The following IGSF3 variants were observed in gnomAD, a reference collection of about 807,000 sequenced individuals.
IGSF3 encodes the protein glu-Trp-Ile EWI motif-containing protein 3.
IGSF3 carries 23 observed loss-of-function variants against 114.4 expected under a neutral mutation model. The ratio of observed to expected loss-of-function variants is 0.20; its 90% confidence interval spans 0.14 to 0.28. The LOEUF is 0.28. Among genes scored for constraint, IGSF3 ranks in the 10% least tolerant of loss-of-function variants. IGSF3 has a pLI of 1.00. For synonymous variants in IGSF3, 571 were observed against 645.2 expected, an observed-to-expected ratio of 0.88 and a Z score of 1.74; for missense variants, 1,172 against 1,591.5, an observed-to-expected ratio of 0.74 and a Z score of 4.48.
chr1:116,660,281 C>T (rs1369910846), intron 2 of IGSF3, among the ~76,000 whole-genome samples: 2 of 152,120 alleles, frequency 1.3e-5, no homozygotes, highest in Non-Finnish European at 2.9e-5. Context: ...TGTCCTCTTC[C>T]TGAGTGTCTT....
intron 2 of IGSF3, among the ~76,000 whole-genome samples, chr1:116,656,724 G>T (rs912068903): frequency 8.5e-5 from 13 of 152,252 alleles, no homozygotes; most frequent in African/African-American, 3.1e-4. Flanking sequence ...AGGAGTTGGA[G>T]AGCAGCCTGA....
At position 116,576,309 on chromosome 1, in the gene IGSF3, CTTTCT is replaced by C. The variant is rs760947369; in HGVS notation, c.*998_*1002del. 13 of 152,824 alleles carry C rather than the reference CTTTCT, an allele frequency of 8.5e-5. 1 individual carries two copies. Among genetic ancestry groups the C allele is most frequent in the African/African-American group, 2.9e-4 (12 of 41,574 alleles). The allele number at this position is 152,824 out of a possible 1,614,324, so 9.5% of individuals were successfully genotyped here. On this transcript the variant is annotated 3_prime_UTR_variant, in exon 11 of 11. Coordinates refer to ENST00000369486, the MANE Select transcript of IGSF3 (RefSeq NM_001007237.3). This position sits in a 1 kb window ranked among gnomAD's most constrained non-coding sequence, Gnocchi z 4.6. Reference sequence around the variant, plus strand: ...GGCCCACTTCCAAGTTCACTGGACACTTTCTTTTAAGAGTTTGGCAAAGCACCTGA... The same window carrying C: ...GGCCCACTTCCAAGTTCACTGGACACTTTAAGAGTTTGGCAAAGCACCTGA...
chr1:116,578,516 C>G (rs1659453052), intron 10 of IGSF3, among the ~76,000 whole-genome samples: 1 of 152,118 alleles, frequency 6.6e-6, no homozygotes, highest in Non-Finnish European at 1.5e-5. Flanking sequence ...CTGCAAAACT[C>G]CAATTTCATA....
chr1:116,591,625 T>G (rs796163393), intron 7 of IGSF3, among the ~76,000 whole-genome samples: 2 of 152,216 alleles, frequency 1.3e-5, no homozygotes, highest in Non-Finnish European at 2.9e-5. Flanking sequence ...TTAAATTTGG[T>G]GCACGTCTGA....
chr1:116,580,583 T>C (rs1249268965), intron 9 of IGSF3, among the ~76,000 whole-genome samples: 2 of 152,218 alleles, frequency 1.3e-5, no homozygotes, highest in African/African-American at 4.8e-5. Context: ...GGAAAGACTA[T>C]TCAAGGACAC....
chr1:116,652,776 T>C (rs1234008035), intron 2 of IGSF3, among the ~76,000 whole-genome samples: 1 of 152,218 alleles, frequency 6.6e-6, no homozygotes, highest in Non-Finnish European at 1.5e-5. Context: ...CCAGCAGTCC[T>C]CTCTTATCTA....
chr1:116,597,280 G>A (rs569115310), intron 7 of IGSF3, among the ~76,000 whole-genome samples: 1 of 152,190 alleles, frequency 6.6e-6, no homozygotes, highest in Non-Finnish European at 1.5e-5. Flanking sequence ...AGTCTCCAGC[G>A]CACAGTCAGC....
rs1648746638 is a variant in IGSF3 at position 116,654,056 on chromosome 1, G to C, written c.43+12228C>G. Reference sequence around the variant, plus strand: ...GTCATAAAGGGTTACCTAGTTTGGGGTAAGCCCGGAATGAATATCTGCACC... The same window carrying C: ...GTCATAAAGGGTTACCTAGTTTGGGCTAAGCCCGGAATGAATATCTGCACC... On this transcript the variant is annotated intron_variant, in intron 2 of 10. Transcript: ENST00000369486. The surrounding 1 kb of genome is among the most constrained non-coding windows in gnomAD (Gnocchi z 4.4). 6.6e-6 allele frequency among the ~76,000 whole-genome samples: 1 copy of C among 152,232 alleles called. No individual in the cohort carries two copies. Among genetic ancestry groups the C allele is most frequent in the African/African-American group, 2.4e-5 (1 of 41,452 alleles).
rs1246516657 is a variant in IGSF3, at chr1:116,636,741, C to T, written c.44-20284G>A. Among the ~76,000 whole-genome samples the T allele has an allele frequency of 6.6e-6, 1 of 152,090 alleles. No individual in the cohort carries two copies. Among genetic ancestry groups the T allele is most frequent in the African/African-American group, 2.4e-5 (1 of 41,392 alleles). ...GCACAGGGCCCTCCTTCTGTCCCAC[C>T]CAGCTTTCTCACCACCCACCCCACC... On this transcript the variant is annotated intron_variant, in intron 2 of 10. Coordinates refer to ENST00000369486, the MANE Select transcript of IGSF3 (RefSeq NM_001007237.3). This position sits in a 1 kb window ranked among gnomAD's most constrained non-coding sequence, Gnocchi z 4.5.
chr1:116,632,462 T>A lies in IGSF3; in HGVS notation c.44-16005A>T, dbSNP rs1276167054. 5.9e-5 allele frequency among the ~76,000 whole-genome samples: 9 copies of A among 152,160 alleles called. No homozygotes were observed. The highest frequency in any genetic ancestry group is 4.4e-5 in the Non-Finnish European group (3 of 68,038). ...TGAGAAGCCACTTTCAACATAACTA[T>A]GGAACAGCTAACCACACAACGCAGC... On this transcript the variant is annotated intron_variant, in intron 2 of 10. Coordinates refer to ENST00000369486, the MANE Select transcript of IGSF3 (RefSeq NM_001007237.3). The surrounding 1 kb of genome is among the most constrained non-coding windows in gnomAD (Gnocchi z 5.1).
At chr1:116,652,985 T>C (rs114906783) in intron 2 of IGSF3, among the ~76,000 whole-genome samples, 14,312 of 152,180 alleles carry the variant, frequency 0.094, 1,722 homozygotes, top group African/African-American at 0.29. Flanking sequence ...AACAGCAGGC[T>C]CTGTCCCCAT....
At chr1:116,602,079 C>A (rs1206344343) in intron 6 of IGSF3, among the ~76,000 whole-genome samples, 1 of 152,126 alleles carries the variant, frequency 6.6e-6, no homozygotes, top group Non-Finnish European at 1.5e-5. Context: ...AAAAGACAAC[C>A]TTAATTAGTC....
intron 2 of IGSF3, among the ~76,000 whole-genome samples, chr1:116,630,115 T>G (rs1647490745): frequency 6.6e-6 from 1 of 152,196 alleles, no homozygotes. Flanking sequence ...CTGGAGGGAA[T>G]GGGATTTGGA....
At chr1:116,639,736 A>G (rs1198692996) in intron 2 of IGSF3, among the ~76,000 whole-genome samples, 1 of 152,220 alleles carries the variant, frequency 6.6e-6, no homozygotes, top group African/African-American at 2.4e-5. Flanking sequence ...CCATTAAGTT[A>G]AAGGAGCTCC....
rs554262263 is a variant in IGSF3 at position 116,610,276 on chromosome 1, T to C, written c.833-1945A>G. On this transcript the variant is annotated intron_variant, in intron 4 of 10. Coordinates refer to ENST00000369486, the MANE Select transcript of IGSF3 (RefSeq NM_001007237.3). This position sits in a 1 kb window ranked among gnomAD's most constrained non-coding sequence, Gnocchi z 4.3. ...CACTGGAGCTGTGCAAGGGGTACCC[T>C]AGACCTCAGACCTTTCCGTTGCTCC... Among the ~76,000 whole-genome samples the C allele has an allele frequency of 1.3e-5, 2 of 152,326 alleles. No homozygotes were observed. Among genetic ancestry groups the C allele is most frequent in the South Asian group, 4.1e-4 (2 of 4,826 alleles).
intron 5 of IGSF3, among the ~76,000 whole-genome samples, chr1:116,604,670 A>T (rs1174380403): frequency 6.6e-6 from 1 of 152,222 alleles, no homozygotes; most frequent in Non-Finnish European, 1.5e-5. Flanking sequence ...CAAAGCCAGC[A>T]GCTCGTCATC....
At position 116,628,246 on chromosome 1, in the gene IGSF3, A is replaced by T. The variant is rs1282429908; in HGVS notation, c.44-11789T>A. ...TGTGACTTAGACCACCCTCCTCAGG[A>T]CAGCTCCCGCCACTCTTCAGGGACA... On this transcript the variant is annotated intron_variant, in intron 2 of 10. Coordinates refer to ENST00000369486, the MANE Select transcript of IGSF3 (RefSeq NM_001007237.3). The surrounding 1 kb of genome is among the most constrained non-coding windows in gnomAD (Gnocchi z 4.2). Among the ~76,000 whole-genome samples, 1 of 152,062 alleles carries T rather than the reference A, an allele frequency of 6.6e-6. No homozygotes were observed. Among genetic ancestry groups the T allele is most frequent in the African/African-American group, 2.4e-5 (1 of 41,418 alleles).
chr1:116,596,885 A>G lies in IGSF3; in HGVS notation c.2029+3056T>C, dbSNP rs544494333. On this transcript the variant is annotated intron_variant, in intron 7 of 10. Transcript: ENST00000369486. This position sits in a 1 kb window ranked among gnomAD's most constrained non-coding sequence, Gnocchi z 4.1. Reference sequence around the variant, plus strand: ...CATGGATTAAGAAACGAGGAACCAAAGCATTCACAGTGGTTTACAAGAAAT... The same window carrying G: ...CATGGATTAAGAAACGAGGAACCAAGGCATTCACAGTGGTTTACAAGAAAT... Among the ~76,000 whole-genome samples, 1 of 152,314 alleles carries G rather than the reference A, an allele frequency of 6.6e-6. No individual in the cohort carries two copies. Among genetic ancestry groups the G allele is most frequent in the African/African-American group, 2.4e-5 (1 of 41,568 alleles).
chr1:116,653,101 C>T (rs1009388788), intron 2 of IGSF3, among the ~76,000 whole-genome samples: 31 of 152,290 alleles, frequency 2.0e-4, no homozygotes, highest in African/African-American at 6.0e-4. Flanking sequence ...ACAAATCTCT[C>T]GGATGCAGGC....
Sources: allele counts gnomAD v4.1 joint callset (sites outside exome capture counted in the v4.1 genomes callset), GRCh38; gene constraint gnomAD v4.1.1; non-coding constraint Gnocchi (gnomAD v3.1); transcripts MANE v1.5; gene names NCBI Gene and HGNC (gene_info 2026-07-23, HGNC 2026-07-21).